The following XYLT1 variants were observed in gnomAD, a reference collection of about 807,000 sequenced individuals.
XYLT1 encodes xylosyltransferase 1.
Under a neutral mutation model 91.3 loss-of-function variants are expected in XYLT1, and 36 were observed. That is an observed-to-expected ratio of 0.39 (90% CI 0.30 to 0.52). The LOEUF (loss-of-function observed/expected upper bound fraction) is 0.52. XYLT1 is among the 20% of genes least tolerant of loss of function. XYLT1 has a pLI of 0.68. For missense variants in XYLT1, 1,242 were observed against 1,284.5 expected (o/e 0.97, Z 0.51); for synonymous variants, 588 against 532.0 (o/e 1.11, Z -1.45).
chr16:17,216,179 G>A (rs968521856), intron 3 of XYLT1, among the ~76,000 whole-genome samples: 3 of 152,046 alleles, frequency 2.0e-5, no homozygotes, highest in Admixed American at 6.6e-5. Flanking sequence ...CTCTGCCCTC[G>A]TTTCTCCTCT....
intron 2 of XYLT1, among the ~76,000 whole-genome samples, chr16:17,304,958 A>G (rs994316961): frequency 1.3e-5 from 2 of 152,172 alleles, no homozygotes; most frequent in Non-Finnish European, 2.9e-5. Context: ...CCCAGAAAGA[A>G]AGGGTGACAG....
intron 1 of XYLT1, among the ~76,000 whole-genome samples, chr16:17,410,601 G>GGGAGTTACAATTC (rs1444915989): frequency 6.6e-6 from 1 of 151,384 alleles, no homozygotes; most frequent in Admixed American, 6.6e-5. Flanking sequence ...AATTCAAGAT[G>GGGAGTTACAATTC]AGATCTGGGT....
At chr16:17,424,457 G>A (rs2036288299) in intron 1 of XYLT1, among the ~76,000 whole-genome samples, 1 of 152,198 alleles carries the variant, frequency 6.6e-6, no homozygotes, top group Non-Finnish European at 1.5e-5. Flanking sequence ...ATGATTTTAT[G>A]GACATTATAG....
intron 1 of XYLT1, among the ~76,000 whole-genome samples, chr16:17,393,769 ATT>A (rs1399056444): frequency 1.5e-4 from 18 of 119,844 alleles, no homozygotes; most frequent in Admixed American, 1.4e-3. Flanking sequence ...TTAATTAATT[ATT>A]ATTATTATTA....
At chr16:17,315,295 T>C (rs1005898278) in intron 2 of XYLT1, among the ~76,000 whole-genome samples, 3 of 152,244 alleles carry the variant, frequency 2.0e-5, no homozygotes, top group Admixed American at 2.0e-4. Context: ...TCTCCTGCCT[T>C]GTGGATGCTC....
intron 3 of XYLT1, among the ~76,000 whole-genome samples, chr16:17,207,240 G>T (rs947841292): frequency 7.9e-5 from 12 of 151,750 alleles, no homozygotes; most frequent in Non-Finnish European, 1.8e-4. Flanking sequence ...TTGTATTTTT[G>T]ATAGAGACAG....
chr16:17,367,956 C>T lies in XYLT1; in HGVS notation c.364-9906G>A, dbSNP rs138680038. Among the ~76,000 whole-genome samples, 130 of 152,274 alleles carry T rather than the reference C, an allele frequency of 8.5e-4. 1 individual carries two copies. The highest frequency in any genetic ancestry group is 2.1e-3 in the African/African-American group (86 of 41,562). The stretch of plus-strand genomic sequence containing the variant: ...CAAATCTGGAGTTCATCCCATTTTG[C>T]CAAAATAAATTTCTATGCACATCCC... On this transcript the variant is annotated intron_variant, in intron 1 of 11. Coordinates refer to ENST00000261381, the MANE Select transcript of XYLT1 (RefSeq NM_022166.4).
intron 2 of XYLT1, 66 bp downstream of exon 2, chr16:17,357,931 TTTCAGAGCCACGGGA>T: frequency 6.6e-7 from 1 of 1,525,756 alleles, no homozygotes; most frequent in Non-Finnish European, 8.9e-7. Context: ...CTGTCCAGCC[TTTCAGAGCCACGGGA>T]CAAGTCCCCT....
At position 17,259,576 on chromosome 16, in the gene XYLT1, G is replaced by A. The variant is rs1270214155; in HGVS notation, c.403-78C>T. On this transcript the variant is annotated intron_variant, in intron 2 of 11. Coordinates refer to ENST00000261381, the MANE Select transcript of XYLT1 (RefSeq NM_022166.4). ...AAGCAGACTGGCCTTTGAAGAGTGA[G>A]TCATACGGACTTGGAAGCCGGGGCC... 5.3e-6 allele frequency: 8 copies of A among 1,520,412 alleles called. No homozygotes were observed. In the East Asian group the frequency reaches 1.6e-4, roughly 30 times the overall value. 94.2% of individuals were successfully genotyped at this position (1,520,412 alleles called of 1,614,324 possible).
At chr16:17,376,454 G>T (rs951626172) in intron 1 of XYLT1, among the ~76,000 whole-genome samples, 1 of 152,206 alleles carries the variant, frequency 6.6e-6, no homozygotes, top group South Asian at 2.1e-4. Context: ...GTGCTCAAGA[G>T]GATGGGTGAT....
At chr16:17,423,129 T>C (rs2036269373) in intron 1 of XYLT1, among the ~76,000 whole-genome samples, 1 of 149,868 alleles carries the variant, frequency 6.7e-6, no homozygotes, top group African/African-American at 2.5e-5. Flanking sequence ...TCCCTGCTAA[T>C]ATCCTGGACA....
chr16:17,280,314 C>T (rs2034038495), intron 2 of XYLT1, among the ~76,000 whole-genome samples: 1 of 152,192 alleles, frequency 6.6e-6, no homozygotes. Flanking sequence ...CGTGCCACTG[C>T]ACTCCAGCCT....
intron 10 of XYLT1, among the ~76,000 whole-genome samples, chr16:17,120,912 T>C (rs1044049979): frequency 5.3e-5 from 8 of 152,228 alleles, no homozygotes; most frequent in African/African-American, 1.9e-4. Flanking sequence ...TTATCATCTA[T>C]CTCTACCAAT....
In XYLT1 at chr16:17,304,787, T is replaced by A. The variant is rs1011785005; in HGVS notation, c.403-45289A>T. ...GCTTGGGAAGGTAACCTATTTTCTC[T>A]GAATACTCTCAAAGCATTCAAGATA... On this transcript the variant is annotated intron_variant, in intron 2 of 11. Transcript: ENST00000261381. Among the ~76,000 whole-genome samples the A allele has an allele frequency of 3.3e-5, 5 of 152,214 alleles. No individual in the cohort carries two copies. In the East Asian group the frequency reaches 9.6e-4, roughly 29 times the overall value.
chr16:17,231,371 G>A (rs1303513759), intron 3 of XYLT1, among the ~76,000 whole-genome samples: 1 of 152,156 alleles, frequency 6.6e-6, no homozygotes, highest in African/African-American at 2.4e-5. Flanking sequence ...AGGCAGTGGG[G>A]GGCAGTGGGG....
intron 1 of XYLT1, among the ~76,000 whole-genome samples, chr16:17,435,272 T>C (rs2036442282): frequency 6.6e-6 from 1 of 152,084 alleles, no homozygotes; most frequent in South Asian, 2.1e-4. Context: ...TTCACATAAA[T>C]AGACTCCAAA....
chr16:17,421,104 C>A (rs1353529066), intron 1 of XYLT1, among the ~76,000 whole-genome samples: 1 of 152,134 alleles, frequency 6.6e-6, no homozygotes, highest in African/African-American at 2.4e-5. Context: ...ATTAGAGTAA[C>A]CTTACAGCTC....
chr16:17,335,265 G>A (rs2034963205), intron 2 of XYLT1, among the ~76,000 whole-genome samples: 1 of 151,746 alleles, frequency 6.6e-6, no homozygotes, highest in African/African-American at 2.4e-5. Flanking sequence ...CTACCTACTG[G>A]CCACCTGGAA....
chr16:17,431,339 G>A (rs1442280701), intron 1 of XYLT1, among the ~76,000 whole-genome samples: 2 of 152,164 alleles, frequency 1.3e-5, no homozygotes, highest in African/African-American at 4.8e-5. Context: ...TGACTCAGAA[G>A]GTCGGGAGTG....
Sources: gnomAD v4.1 joint callset for allele counts (sites outside exome capture counted in the v4.1 genomes callset) on GRCh38, gnomAD v4.1.1 for gene constraint, MANE v1.5 for transcripts, NCBI Gene and HGNC (gene_info 2026-07-23, HGNC 2026-07-21) for gene names.